TG: variants seen among roughly 807,000 people sequenced by gnomAD.
TG encodes thyroglobulin, also known as thyroid hormones.
Under a neutral mutation model 324.7 loss-of-function variants are expected in TG, and 270 were observed. That is an observed-to-expected ratio of 0.83 (90% CI 0.75 to 0.92). The LOEUF (loss-of-function observed/expected upper bound fraction) is 0.92. Among genes scored for constraint, TG ranks in the 40% least tolerant of loss-of-function variants. The pLI is 0.00. For synonymous variants in TG, 1,401 were observed against 1,327.0 expected (o/e 1.06, Z -1.21); for missense variants, 3,591 against 3,456.4 (o/e 1.04, Z -0.98).
rs74742912 is a variant in TG at position 132,880,742 on chromosome 8, C to T, written c.639-1121C>T. Among the ~76,000 whole-genome samples, 4 of 152,294 alleles carry T rather than the reference C, an allele frequency of 2.6e-5. No homozygotes were observed. The East Asian group carries it at 7.7e-4, about 29-fold the overall frequency. On this transcript the variant is annotated intron_variant, in intron 5 of 47. Transcript: ENST00000220616. ...GACTTCCAATACTGATTCAGTTGTA[C>T]AGTTGTAATTGCAATACATGTATAT... is the stretch of plus-strand genomic sequence containing the variant.
At chr8:132,912,037 G>A (rs1055858983) in intron 19 of TG, among the ~76,000 whole-genome samples, 10 of 152,200 alleles carry the variant, frequency 6.6e-5, no homozygotes, top group East Asian at 1.9e-4. Context: ...GAAAGAGCCC[G>A]TACATTTCTG....
chr8:132,924,831 C>T (rs372010213), intron 22 of TG, among the ~76,000 whole-genome samples: 9 of 152,166 alleles, frequency 5.9e-5, no homozygotes, highest in African/African-American at 9.7e-5. Flanking sequence ...TACCTACCAG[C>T]GGTAGTAAAT....
rs550570911 is a variant in TG, at chr8:132,908,714, C to G, written c.4002+374C>G. The stretch of plus-strand genomic sequence containing the variant: ...CTCTTTGCTCTTTGGGGAGATGACA[C>G]TAAACAAGTACCTGTCAGGTAAAGG... On this transcript the variant is annotated intron_variant, in intron 18 of 47. Coordinates refer to ENST00000220616, the MANE Select transcript of TG (RefSeq NM_003235.5). Among the ~76,000 whole-genome samples the G allele has an allele frequency of 2.9e-4, 44 of 152,164 alleles. No homozygotes were observed. In the East Asian group the frequency reaches 5.8e-3, roughly 20 times the overall value.
At chr8:132,971,413 G>A (rs753897959) in intron 32 of TG, among the ~76,000 whole-genome samples, 4 of 152,124 alleles carry the variant, frequency 2.6e-5, no homozygotes, top group Admixed American at 6.5e-5. Flanking sequence ...TGCCTTCCCT[G>A]TTATTTCTTT....
At chr8:132,898,355 C>A in intron 13 of TG, 109 bp downstream of exon 13, 3 of 1,112,748 alleles carry the variant, frequency 2.7e-6, no homozygotes, top group Non-Finnish European at 4.0e-6. Flanking sequence ...AGCCCTTCAG[C>A]CAGGTCCCGG....
At chr8:132,977,069 T>C (rs918358024) in intron 34 of TG, among the ~76,000 whole-genome samples, 1 of 152,232 alleles carries the variant, frequency 6.6e-6, no homozygotes, top group Admixed American at 6.5e-5. Context: ...GTTCTGAACA[T>C]TAGTACATTG....
intron 41 of TG, among the ~76,000 whole-genome samples, chr8:133,041,437 G>C (rs748508159): frequency 6.6e-6 from 1 of 152,252 alleles, no homozygotes; most frequent in African/African-American, 2.4e-5. Flanking sequence ...ACCCACACAG[G>C]TGCCCTTGGA....
intron 15 of TG, 73 bp downstream of exon 15, chr8:132,900,412 G>GCTTCCAT (rs2132280333): frequency 7.1e-7 from 1 of 1,404,140 alleles, no homozygotes; most frequent in African/African-American, 1.4e-5. Flanking sequence ...CCAAAGAGCT[G>GCTTCCAT]GCTTCGTGTC....
intron 41 of TG, among the ~76,000 whole-genome samples, chr8:133,064,870 TG>T (rs1239424389): frequency 2.6e-5 from 4 of 152,066 alleles, no homozygotes; most frequent in African/African-American, 9.7e-5. Flanking sequence ...GCCTTGCTGC[TG>T]GGAAGGAGGG....
chr8:133,128,903 G>C (rs949059363), intron 45 of TG, among the ~76,000 whole-genome samples: 2 of 152,204 alleles, frequency 1.3e-5, no homozygotes, highest in Non-Finnish European at 2.9e-5. Flanking sequence ...ATGAGCACAC[G>C]TGAACTGCCT....
At chr8:132,888,844 C>T (rs763477659) in intron 10 of TG, among the ~76,000 whole-genome samples, 1 of 152,184 alleles carries the variant, frequency 6.6e-6, no homozygotes, top group Non-Finnish European at 1.5e-5. Context: ...TGGATGTCTT[C>T]TGTGTGCAAG....
chr8:132,919,120 C>G (rs766036298), intron 20 of TG, among the ~76,000 whole-genome samples: 2 of 152,112 alleles, frequency 1.3e-5, no homozygotes, highest in African/African-American at 4.8e-5. Flanking sequence ...TATTTTACCC[C>G]TATTTGAAAT....
intron 41 of TG, among the ~76,000 whole-genome samples, chr8:133,089,553 T>C (rs1028917582): frequency 6.6e-6 from 1 of 152,200 alleles, no homozygotes. Context: ...ATCACATCTC[T>C]TACTTAGTCT....
chr8:132,918,084 G>A (rs560325954), intron 20 of TG, among the ~76,000 whole-genome samples: 2 of 152,086 alleles, frequency 1.3e-5, no homozygotes, highest in South Asian at 2.1e-4. Flanking sequence ...TAAGGCAGCC[G>A]TGGTCTCATT....
In TG at chr8:132,935,830, T is replaced by C. The variant is rs957207158; in HGVS notation, c.5007T>C (p.His1669=). 1.9e-6 allele frequency: 3 copies of C among 1,612,532 alleles called. No individual in the cohort carries two copies. Among genetic ancestry groups the C allele is most frequent in the African/African-American group, 1.3e-5 (1 of 74,862 alleles). ...GCTGCCAGGTGAAAGTGAGGAGCCA[T>C]GGTCAAGATTCTCCAGCTGTGTATT... is the stretch of plus-strand genomic sequence containing the variant. ...SLRCQVKVRS[H]GQDSPAVYLK... Residue 1669 remains histidine (H), a synonymous_variant, in exon 25 of 48, where the codon CAT becomes CAC. Coordinates refer to ENST00000220616, the MANE Select transcript of TG (RefSeq NM_003235.5).
intron 26 of TG, among the ~76,000 whole-genome samples, chr8:132,948,050 C>G (rs1018381446): frequency 1.3e-5 from 2 of 152,186 alleles, no homozygotes; most frequent in Non-Finnish European, 2.9e-5. Flanking sequence ...AGATTTCTCT[C>G]CACACATCCT....
Position 133,022,074 on chromosome 8 carries a change from C to T in TG, c.6960C>T (p.Ser2320=), listed in dbSNP as rs1256963774. The change falls in exon 40 of 48, where the codon TCC becomes TCT. Residue 2320 remains serine, a synonymous_variant. Transcript: ENST00000220616. ...AAGGATGGCCGGCTATCGACGGCTC[C>T]TTCTTGGCTGCTGTTGGCAACCTCA... The part of the protein sequence containing the change: ...ESEGWPAIDG[S]FLAAVGNLIV... 1 of 1,614,164 alleles carries T rather than the reference C, an allele frequency of 6.2e-7. No individual in the cohort carries two copies. The highest frequency in any genetic ancestry group is 1.7e-5 in the Admixed American group (1 of 60,016).
intron 14 of TG, 46 bp downstream of exon 14, chr8:132,898,956 TG>T: frequency 6.7e-7 from 1 of 1,500,982 alleles, no homozygotes; most frequent in Non-Finnish European, 9.2e-7. Flanking sequence ...TTGTCCCCGC[TG>T]GTCAGAGATG....
At chr8:132,965,006 G>A in intron 29 of TG, 1 of 687,404 alleles carries the variant, frequency 1.5e-6, no homozygotes, top group Non-Finnish European at 2.6e-6. Flanking sequence ...TGTGCCTTCA[G>A]TCCTGCTGCC....
Sources: gnomAD v4.1 joint callset for allele counts (sites outside exome capture counted in the v4.1 genomes callset) on GRCh38, gnomAD v4.1.1 for gene constraint, MANE v1.5 for transcripts, NCBI Gene and HGNC (gene_info 2026-07-23, HGNC 2026-07-21) for gene names.